The following PCED1B variants were observed in gnomAD, a reference collection of about 807,000 sequenced individuals.
PCED1B encodes PC-esterase domain-containing protein 1B.
For synonymous variants in PCED1B, 251 were observed against 246.1 expected, an observed-to-expected ratio of 1.02 and a Z score of -0.19; for missense variants, 573 against 573.9, an observed-to-expected ratio of 1.00 and a Z score of 0.02.
intron 2 of PCED1B, among the ~76,000 whole-genome samples, chr12:47,110,792 T>A (rs1939159585): frequency 6.6e-6 from 1 of 152,188 alleles, no homozygotes; most frequent in Non-Finnish European, 1.5e-5. Flanking sequence ...TTCTTTCAGG[T>A]GATTATTGAT....
At chr12:47,084,468 A>C (rs956461663) in intron 1 of PCED1B, among the ~76,000 whole-genome samples, 1 of 152,114 alleles carries the variant, frequency 6.6e-6, no homozygotes, top group Non-Finnish European at 1.5e-5. Flanking sequence ...AGTTACTCCT[A>C]TTTCCCTTTC....
intron 2 of PCED1B, among the ~76,000 whole-genome samples, chr12:47,145,209 G>A (rs1000258954): frequency 1.3e-5 from 2 of 152,194 alleles, no homozygotes; most frequent in African/African-American, 4.8e-5. Context: ...TCCAGAACAA[G>A]ACCCTAAATT....
chr12:47,184,115 G>A (rs921125950), intron 2 of PCED1B, among the ~76,000 whole-genome samples: 4 of 152,066 alleles, frequency 2.6e-5, no homozygotes, highest in African/African-American at 7.2e-5. Context: ...GGGCTAAAGC[G>A]ATTCTCCCAC....
At chr12:47,115,383 G>A (rs762068167) in intron 2 of PCED1B, among the ~76,000 whole-genome samples, 3 of 152,046 alleles carry the variant, frequency 2.0e-5, no homozygotes, top group African/African-American at 4.8e-5. Context: ...AATGTCTGTG[G>A]ACTATCTGGA....
intron 2 of PCED1B, among the ~76,000 whole-genome samples, chr12:47,188,146 C>T (rs1942331955): frequency 6.6e-6 from 1 of 152,122 alleles, no homozygotes; most frequent in African/African-American, 2.4e-5. Context: ...CATGTCTTAT[C>T]TCCCCTTACT....
chr12:47,119,430 C>A (rs961103811), intron 2 of PCED1B, among the ~76,000 whole-genome samples: 3 of 151,950 alleles, frequency 2.0e-5, no homozygotes, highest in African/African-American at 4.8e-5. Context: ...TGGTGGCTCA[C>A]ACCTATAATC....
intron 2 of PCED1B, chr12:47,135,867 G>T (rs1940340611): frequency 4.6e-6 from 2 of 437,260 alleles, no homozygotes; most frequent in Non-Finnish European, 9.1e-6. Flanking sequence ...GCCGGTGTTG[G>T]CAGGAGTGAA....
intron 3 of PCED1B, among the ~76,000 whole-genome samples, chr12:47,227,163 T>C (rs965160023): frequency 6.6e-6 from 1 of 152,050 alleles, no homozygotes; most frequent in African/African-American, 2.4e-5. Context: ...TGTTTTGTTT[T>C]GTTTTTGTTT....
intron 2 of PCED1B, among the ~76,000 whole-genome samples, chr12:47,191,853 C>T (rs1942451204): frequency 6.6e-6 from 1 of 151,556 alleles, no homozygotes; most frequent in South Asian, 2.1e-4. Context: ...GAACCACTTG[C>T]CTGCCTTTCT....
chr12:47,154,320 G>A (rs954013), intron 2 of PCED1B, among the ~76,000 whole-genome samples: 5 of 152,142 alleles, frequency 3.3e-5, no homozygotes, highest in East Asian at 1.9e-4. Context: ...TGAGCACTAC[G>A]AAAACACTCA....
intron 2 of PCED1B, among the ~76,000 whole-genome samples, chr12:47,150,905 GA>G (rs1940968005): frequency 6.6e-6 from 1 of 152,158 alleles, no homozygotes; most frequent in South Asian, 2.1e-4. Context: ...AAGTCCTGGA[GA>G]ATTTTGGCCA....
chr12:47,220,108 T>C (rs1002223404), intron 3 of PCED1B, among the ~76,000 whole-genome samples: 1 of 146,334 alleles, frequency 6.8e-6, no homozygotes, highest in Non-Finnish European at 1.5e-5. Context: ...AAGAAGAAGA[T>C]ACATTGTCAA....
At chr12:47,095,071 ATTTTTTT>A (rs34778482) in intron 1 of PCED1B, among the ~76,000 whole-genome samples, 6 of 113,828 alleles carry the variant, frequency 5.3e-5, no homozygotes, top group Admixed American at 4.5e-4. Context: ...TGTGCCCACA[ATTTTTTT>A]TTTTTTTTTT....
chr12:47,153,379 G>GAAT (rs1941075827), intron 2 of PCED1B, among the ~76,000 whole-genome samples: 1 of 139,554 alleles, frequency 7.2e-6, no homozygotes. Context: ...AAAAAAAAGA[G>GAAT]AATATAGAAA....
At chr12:47,192,902 T>G (rs1942489483) in intron 2 of PCED1B, among the ~76,000 whole-genome samples, 1 of 152,208 alleles carries the variant, frequency 6.6e-6, no homozygotes. Flanking sequence ...TGTATTTTGG[T>G]GAAACTATTC....
Position 47,235,509 on chromosome 12 carries a change from G to T in PCED1B, c.446G>T (p.Cys149Phe), listed in dbSNP as rs756956363. 1.2e-6 allele frequency: 2 copies of T among 1,612,638 alleles called. No homozygotes were observed. Among genetic ancestry groups the T allele is most frequent in the Non-Finnish European group, 1.7e-6 (2 of 1,179,110 alleles). The change falls in exon 4 of 4, where the codon TGC becomes TTC. Residue 149 changes from cysteine (C) to phenylalanine (F), a missense_variant. Transcript: ENST00000546455. ...YLENLENLFQ[C>F]LGQVLPESCL... ...GAGAACCTGGAGAACCTGTTCCAGT[G>T]CCTGGGCCAGGTGCTGCCCGAGTCT...
At chr12:47,178,159 A>G (rs1341795826) in intron 2 of PCED1B, among the ~76,000 whole-genome samples, 1 of 151,952 alleles carries the variant, frequency 6.6e-6, no homozygotes, top group African/African-American at 2.4e-5. Context: ...TCTATACAAA[A>G]CCCCACACCA....
chr12:47,232,409 T>G (rs1943835849), intron 3 of PCED1B, among the ~76,000 whole-genome samples: 1 of 152,226 alleles, frequency 6.6e-6, no homozygotes, highest in Non-Finnish European at 1.5e-5. Flanking sequence ...TATTTTCATT[T>G]TTGTATTTAT....
chr12:47,141,407 C>G (rs1186288109), intron 2 of PCED1B, among the ~76,000 whole-genome samples: 1 of 152,172 alleles, frequency 6.6e-6, no homozygotes, highest in African/African-American at 2.4e-5. Context: ...CAGAAACATT[C>G]TGTTCCTCTG....
Sources: allele counts gnomAD v4.1 joint callset (sites outside exome capture counted in the v4.1 genomes callset), GRCh38; gene constraint gnomAD v4.1.1; transcripts MANE v1.5; gene names NCBI Gene and HGNC (gene_info 2026-07-23, HGNC 2026-07-21).